The following ACO2 variants were observed in gnomAD, a reference collection of about 807,000 sequenced individuals.
ACO2 encodes aconitate hydratase, mitochondrial.
In ACO2, 31 loss-of-function variants were observed where a neutral mutation model predicts 84.5. The ratio of observed to expected loss-of-function variants is 0.37; its 90% confidence interval spans 0.28 to 0.50. The LOEUF (loss-of-function observed/expected upper bound fraction) is 0.50, where lower values mean the gene tolerates loss of function less well. Ranked by LOEUF, ACO2 falls within the 20% of genes least tolerant of loss-of-function variation. The pLI, the probability that ACO2 is intolerant of heterozygous loss-of-function variation, is 0.97. For synonymous variants in ACO2, 414 were observed against 412.7 expected, an observed-to-expected ratio of 1.00 and a Z score of -0.04; for missense variants, 685 against 1,029.3, an observed-to-expected ratio of 0.67 and a Z score of 4.58.
At chr22:41,485,243 G>A (rs2038137874) in intron 1 of ACO2, among the ~76,000 whole-genome samples, 1 of 151,858 alleles carries the variant, frequency 6.6e-6, no homozygotes. Context: ...TTTTAGGACA[G>A]CGAGCCACAC....
rs2066405723 is a variant in ACO2, at chr22:41,507,868, G to A, written c.251G>A (p.Arg84Gln). The A allele has an allele frequency of 2.5e-6, 4 of 1,614,234 alleles. No individual in the cohort carries two copies. The highest frequency in any genetic ancestry group is 1.6e-4 in the Middle Eastern group (1 of 6,062). ...LDDPASQEIE[R>Q]GKSYLRLRPD... The stretch of plus-strand genomic sequence containing the variant: ...GACCCCGCCAGCCAGGAAATTGAGC[G>A]AGGCAAGTCGTACCTGCGGCTGCGG... Residue 84 changes from arginine (R) to glutamine (Q), a missense_variant, in exon 3 of 18, where the codon CGA becomes CAA. Around this residue, in one of 5 missense-constraint regions of ACO2, gnomAD observed 92 missense variants for 203.7 expected, o/e 0.45. Transcript: ENST00000216254.
At position 41,500,829 on chromosome 22, in the gene ACO2, G is replaced by A. The variant is rs1003408647; in HGVS notation, c.173+967G>A. 4.0e-5 allele frequency among the ~76,000 whole-genome samples: 6 copies of A among 151,882 alleles called. No individual in the cohort carries two copies. The South Asian group carries it at 8.3e-4, about 21-fold the overall frequency. ...AGCAATTCTCATGCCTCAGCCTCCC[G>A]AGTAGCTGGGACTACAGGGACGCAC... On this transcript the variant is annotated intron_variant, in intron 2 of 17. Transcript: ENST00000216254.
intron 16 of ACO2, 84 bp downstream of exon 16, chr22:41,527,504 C>A (rs1255028940): frequency 1.3e-6 from 2 of 1,530,574 alleles, no homozygotes; most frequent in Non-Finnish European, 1.8e-6. Flanking sequence ...TGAGTTGGGC[C>A]TGGTTCTAGG....
intron 3 of ACO2, among the ~76,000 whole-genome samples, chr22:41,511,460 C>T (rs1272326742): frequency 6.6e-6 from 1 of 152,280 alleles, no homozygotes; most frequent in Non-Finnish European, 1.5e-5. Flanking sequence ...GCGTGAGCCA[C>T]TGCACCCAGC....
At chr22:41,508,795 C>T (rs2066412920) in intron 3 of ACO2, among the ~76,000 whole-genome samples, 1 of 152,224 alleles carries the variant, frequency 6.6e-6, no homozygotes, top group South Asian at 2.1e-4. Flanking sequence ...TGGGCCTCCC[C>T]ACTCTCCAGC....
intron 2 of ACO2, among the ~76,000 whole-genome samples, chr22:41,504,507 C>T (rs1284398918): frequency 6.6e-6 from 1 of 152,116 alleles, no homozygotes; most frequent in Non-Finnish European, 1.5e-5. Flanking sequence ...CTTCCAAGGT[C>T]TTGGGTTTTT....
At chr22:41,512,701 G>A (rs575926010) in intron 4 of ACO2, among the ~76,000 whole-genome samples, 6 of 152,280 alleles carry the variant, frequency 3.9e-5, no homozygotes, top group Admixed American at 2.0e-4. Context: ...GTCAGCCGGG[G>A]GCTCCTCTGA....
At chr22:41,489,168 A>G (rs1205560103) in intron 1 of ACO2, among the ~76,000 whole-genome samples, 1 of 151,958 alleles carries the variant, frequency 6.6e-6, no homozygotes, top group Admixed American at 6.6e-5. Context: ...TCAGCATCTC[A>G]GGGAGCTGGG....
chr22:41,495,724 C>T (rs1235590513), intron 1 of ACO2, among the ~76,000 whole-genome samples: 5 of 150,506 alleles, frequency 3.3e-5, no homozygotes, highest in East Asian at 4.1e-4. Flanking sequence ...GGGTTCATGC[C>T]GTTCTCCTGC....
chr22:41,470,836 C>A (rs1162215361), intron 1 of ACO2, among the ~76,000 whole-genome samples: 1 of 152,182 alleles, frequency 6.6e-6, no homozygotes, highest in Non-Finnish European at 1.5e-5. Context: ...AGCCACCACA[C>A]CTGGCCTCTT....
At chr22:41,477,960 G>T (rs1254138726) in intron 1 of ACO2, among the ~76,000 whole-genome samples, 2 of 151,792 alleles carry the variant, frequency 1.3e-5, no homozygotes, top group Non-Finnish European at 2.9e-5. Context: ...AGCTACTTGG[G>T]AGGCTGAGGC....
chr22:41,528,535 C>G lies in ACO2; in HGVS notation c.2265C>G (p.Asn755Lys). Reference sequence around the variant, plus strand: ...GGACCCAGGAGACCATCCTCCTGAACCACACCTTCAACGAGACGCAGATTG... The same window carrying G: ...GGACCCAGGAGACCATCCTCCTGAAGCACACCTTCAACGAGACGCAGATTG... ...PNGTQETILL[N>K]HTFNETQIEW... Residue 755 changes from asparagine to lysine, a missense_variant, in exon 18 of 18, where the codon AAC becomes AAG. Physicochemically the swap from Asn to Lys is moderately conservative, Grantham distance 94 (BLOSUM62 0). Coordinates refer to ENST00000216254, the MANE Select transcript of ACO2 (RefSeq NM_001098.3). 6.2e-7 allele frequency: 1 copy of G among 1,613,176 alleles called. No individual in the cohort carries two copies. The highest frequency in any genetic ancestry group is 8.5e-7 in the Non-Finnish European group (1 of 1,180,044).
At chr22:41,479,813 G>C (rs1286012232) in intron 1 of ACO2, among the ~76,000 whole-genome samples, 2 of 152,250 alleles carry the variant, frequency 1.3e-5, no homozygotes, top group African/African-American at 2.4e-5. Context: ...GGCCAGAGCA[G>C]GGCTTGGGAT....
Position 41,528,748 on chromosome 22 carries a change from C to T in ACO2, c.*135C>T, listed in dbSNP as rs1392354674. 2.3e-6 allele frequency: 3 copies of T among 1,285,528 alleles called. No individual in the cohort carries two copies. Among genetic ancestry groups the T allele is most frequent in the Admixed American group, 2.7e-5 (1 of 37,338 alleles). 79.6% of individuals were successfully genotyped at this position (1,285,528 alleles called of 1,614,324 possible). A position where few individuals can be genotyped will look rare whatever the true frequency, so the allele number is the denominator to read the frequency against. On this transcript the variant is annotated 3_prime_UTR_variant, in exon 18 of 18. Coordinates refer to ENST00000216254, the MANE Select transcript of ACO2 (RefSeq NM_001098.3). ...ACATGCTTCCTGCTCCCCGCTTAGCCCACGGAGTGACTGTGGTTGTGGTGG... is the reference window on the plus strand; with the variant it reads ...ACATGCTTCCTGCTCCCCGCTTAGCTCACGGAGTGACTGTGGTTGTGGTGG...
At chr22:41,490,660 T>C (rs2066265420) in intron 1 of ACO2, among the ~76,000 whole-genome samples, 1 of 152,202 alleles carries the variant, frequency 6.6e-6, no homozygotes, top group African/African-American at 2.4e-5. Flanking sequence ...TAATATGTAT[T>C]ACCTAATTGT....
At chr22:41,486,757 A>G (rs919467903) in intron 1 of ACO2, among the ~76,000 whole-genome samples, 40 of 152,062 alleles carry the variant, frequency 2.6e-4, no homozygotes, top group Non-Finnish European at 4.4e-5. Flanking sequence ...GGCGTGAGCC[A>G]TTGCTCCCGG....
At chr22:41,474,448 C>T (rs962681339) in intron 1 of ACO2, among the ~76,000 whole-genome samples, 137 of 150,008 alleles carry the variant, frequency 9.1e-4, no homozygotes, top group Middle Eastern at 3.2e-3. Context: ...CGCCTGCCAC[C>T]ACGTCTGGCT....
chr22:41,516,333 G>A (rs539523129), intron 6 of ACO2, among the ~76,000 whole-genome samples: 8 of 152,348 alleles, frequency 5.3e-5, no homozygotes, highest in African/African-American at 1.9e-4. Context: ...TCCCTTCGCT[G>A]AAGTTCGAGC....
chr22:41,523,695 C>T (rs1199551129), intron 11 of ACO2, 135 bp from the exon 12 acceptor site: 1 of 787,720 alleles, frequency 1.3e-6, no homozygotes, highest in Non-Finnish European at 2.1e-6. Flanking sequence ...AGGAGGCAAC[C>T]CTGGCAGGGC....
Sources: gnomAD v4.1 joint callset for allele counts (sites outside exome capture counted in the v4.1 genomes callset) on GRCh38, gnomAD v4.1.1 for gene constraint, gnomAD v4.1.1 regional missense constraint, MANE v1.5 for transcripts, NCBI Gene and HGNC (gene_info 2026-07-23, HGNC 2026-07-21) for gene names.